CERS4: variants seen among roughly 807,000 people sequenced by gnomAD.
CERS4 encodes the protein LAG1 homolog, ceramide synthase 4.
A neutral mutation model predicts 51.8 loss-of-function variants in CERS4; 65 were observed. The ratio of observed to expected loss-of-function variants is 1.26; its 90% confidence interval spans 1.03 to 1.54. CERS4 has a LOEUF of 1.54. CERS4 is among the 40% of genes most tolerant of loss of function. The pLI is 0.00. For synonymous variants in CERS4, 228 were observed against 208.4 expected (o/e 1.09, Z -0.81); for missense variants, 563 against 500.4 (o/e 1.13, Z -1.19).
rs1272363199 is a variant in CERS4, at chr19:8,256,257, G to A, written c.490G>A (p.Val164Ile). The A allele has an allele frequency of 6.2e-7, 1 of 1,613,446 alleles. No individual in the cohort carries two copies. The highest frequency in any genetic ancestry group is 1.3e-5 in the African/African-American group (1 of 75,032). The change falls in exon 7 of 12, where the codon GTA (valine) becomes ATA (isoleucine). Residue 164 changes from valine to isoleucine, a missense_variant. Physicochemically the swap from Val to Ile is conservative, Grantham distance 29. Transcript: ENST00000251363. ...LYHESWLWAP[V>I]MCWDRYPNQT... ...GCAGGAGTCATGGCTGTGGGCACCA[G>A]TAATGTGCTGGGACAGGTACCCAAA... is the stretch of plus-strand genomic sequence containing the variant.
intron 2 of CERS4, among the ~76,000 whole-genome samples, chr19:8,231,445 C>T (rs1472853901): frequency 6.6e-6 from 1 of 152,150 alleles, no homozygotes; most frequent in Admixed American, 6.6e-5. Context: ...TTAGCCTCAG[C>T]AAGGCTAGTT....
chr19:8,213,822 C>CAGG (rs1967177950), intron 2 of CERS4, among the ~76,000 whole-genome samples: 1 of 152,010 alleles, frequency 6.6e-6, no homozygotes. Flanking sequence ...AAAAATTAAC[C>CAGG]CTGTGTGGTG....
chr19:8,240,856 CT>C (rs1443299105), intron 2 of CERS4, among the ~76,000 whole-genome samples: 5 of 152,130 alleles, frequency 3.3e-5, no homozygotes, highest in African/African-American at 1.2e-4. Context: ...CCTAACCCAC[CT>C]CCCGTGTCAG....
At chr19:8,255,558 A>C (rs1294070710) in intron 4 of CERS4, 49 bp from the exon 5 acceptor site, 1 of 1,514,690 alleles carries the variant, frequency 6.6e-7, no homozygotes, top group Admixed American at 1.9e-5. Flanking sequence ...ACATGGGGGA[A>C]GCCACCACAG....
intron 2 of CERS4, chr19:8,239,368 C>T: frequency 6.7e-6 from 1 of 148,982 alleles, no homozygotes; most frequent in Non-Finnish European, 1.5e-5. Flanking sequence ...CACTGTACTC[C>T]AGCCTGGGCA....
At chr19:8,213,084 G>C (rs1373821727) in intron 2 of CERS4, among the ~76,000 whole-genome samples, 2 of 151,886 alleles carry the variant, frequency 1.3e-5, no homozygotes, top group African/African-American at 4.8e-5. Flanking sequence ...CTGTTGCCCA[G>C]GCTGGGGTGC....
chr19:8,220,867 G>A (rs1331379545), intron 2 of CERS4, among the ~76,000 whole-genome samples: 1 of 151,770 alleles, frequency 6.6e-6, no homozygotes, highest in African/African-American at 2.4e-5. Context: ...TGTCACCCGG[G>A]CTGGAGTACA....
intron 2 of CERS4, among the ~76,000 whole-genome samples, chr19:8,248,018 G>C (rs1968866884): frequency 6.6e-6 from 1 of 152,046 alleles, no homozygotes; most frequent in Non-Finnish European, 1.5e-5. Context: ...ACAGGTGTGA[G>C]CCACCGCACC....
chr19:8,217,394 A>G (rs78780853), intron 2 of CERS4, among the ~76,000 whole-genome samples: 1 of 151,972 alleles, frequency 6.6e-6, no homozygotes, highest in African/African-American at 2.4e-5. Flanking sequence ...TTTGAGACAG[A>G]GTCTCGCTCT....
chr19:8,261,411 C>T, intron 10 of CERS4: 1 of 451,468 alleles, frequency 2.2e-6, no homozygotes, highest in Non-Finnish European at 4.0e-6. Context: ...AGAGTGCCAC[C>T]CAGGAAAGCA....
Position 8,247,680 on chromosome 19 carries a change from A to G in CERS4, c.-1-3396A>G, listed in dbSNP as rs930759525. Among the ~76,000 whole-genome samples the G allele has an allele frequency of 2.7e-5, 4 of 150,752 alleles. No homozygotes were observed. The East Asian group carries it at 7.8e-4, about 29-fold the overall frequency. ...AGTGATCCACCTGCCTCGGCCTCCC[A>G]AAGTGTTGGGATTACAGGCATGAAC... On this transcript the variant is annotated intron_variant, in intron 2 of 11. Coordinates refer to ENST00000251363, the MANE Select transcript of CERS4 (RefSeq NM_024552.3).
At chr19:8,256,919 G>T in intron 8 of CERS4, 30 bp from the exon 9 acceptor site, 3 of 1,613,880 alleles carry the variant, frequency 1.9e-6, no homozygotes, top group Non-Finnish European at 2.5e-6. Context: ...ATCAAGCCTC[G>T]TCCCCACTAT....
At chr19:8,244,954 C>G (rs1373504961) in intron 2 of CERS4, among the ~76,000 whole-genome samples, 1 of 151,908 alleles carries the variant, frequency 6.6e-6, no homozygotes, top group Non-Finnish European at 1.5e-5. Flanking sequence ...ACCATCCTGG[C>G]TAACATGGTG....
intron 2 of CERS4, among the ~76,000 whole-genome samples, chr19:8,226,296 G>A (rs1967784416): frequency 6.6e-6 from 1 of 152,156 alleles, no homozygotes; most frequent in African/African-American, 2.4e-5. Context: ...GCGTCTGATG[G>A]ATAATACCTG....
intron 2 of CERS4, among the ~76,000 whole-genome samples, chr19:8,240,888 C>A (rs554704502): frequency 6.0e-4 from 91 of 152,260 alleles, no homozygotes; most frequent in African/African-American, 2.2e-3. Context: ...CATTCTCTCT[C>A]TTTCCCCCAA....
chr19:8,212,214 A>C (rs753293892), intron 2 of CERS4, among the ~76,000 whole-genome samples: 1 of 152,114 alleles, frequency 6.6e-6, no homozygotes, highest in Non-Finnish European at 1.5e-5. Flanking sequence ...CAGGGAACAG[A>C]CTGCAGGGGT....
At position 8,262,061 on chromosome 19, in the gene CERS4, G is replaced by A; in HGVS notation, c.1137G>A (p.Arg379=). The A allele has an allele frequency of 6.5e-7, 1 of 1,531,844 alleles. No individual in the cohort carries two copies. Among genetic ancestry groups the A allele is most frequent in the South Asian group, 1.3e-5 (1 of 78,334 alleles). 94.9% of individuals were successfully genotyped at this position (1,531,844 alleles called of 1,614,324 possible). ...GPRPAPTDGP[R]SRVAGRLTNR... ...GGCCAGCCCCCACTGATGGCCCTCGGAGCCGGGTGGCCGGGCGTCTGACCA... is the reference window on the plus strand; with the variant it reads ...GGCCAGCCCCCACTGATGGCCCTCGAAGCCGGGTGGCCGGGCGTCTGACCA... The change falls in exon 12 of 12, where the codon CGG becomes CGA. Residue 379 remains arginine (R), a synonymous_variant. Coordinates refer to ENST00000251363, the MANE Select transcript of CERS4 (RefSeq NM_024552.3).
chr19:8,212,971 C>T (rs1312674490), intron 2 of CERS4, among the ~76,000 whole-genome samples: 1 of 151,992 alleles, frequency 6.6e-6, no homozygotes, highest in Non-Finnish European at 1.5e-5. Context: ...TTTGTGGCTG[C>T]TCTTTACCAA....
At chr19:8,255,098 C>T (rs2145314179) in intron 4 of CERS4, among the ~76,000 whole-genome samples, 1 of 152,270 alleles carries the variant, frequency 6.6e-6, no homozygotes, top group South Asian at 2.1e-4. Context: ...TGGCTGCCCG[C>T]TGGACAGGGT....
Sources: gnomAD v4.1 joint callset for allele counts (sites outside exome capture counted in the v4.1 genomes callset) on GRCh38, gnomAD v4.1.1 for gene constraint, MANE v1.5 for transcripts, NCBI Gene and HGNC (gene_info 2026-07-23, HGNC 2026-07-21) for gene names.